Variants in ETS1 observed in about 807,000 individuals in gnomAD.
ETS1 encodes the protein ETS proto-oncogene 1, transcription factor, also known as protein C-ets-1.
In ETS1, 15 loss-of-function variants were observed where a neutral mutation model predicts 58.6. The ratio of observed to expected loss-of-function variants is 0.26; its 90% CI spans 0.17 to 0.39. The LOEUF (loss-of-function observed/expected upper bound fraction) is 0.39. ETS1 is among the 10% of genes least tolerant of loss of function. The pLI is 1.00. For missense variants in ETS1, 417 were observed against 610.5 expected (o/e 0.68, Z 3.34); for synonymous variants, 214 against 218.2 (o/e 0.98, Z 0.17).
chr11:128,504,813 C>T (rs1863187094), intron 3 of ETS1, among the ~76,000 whole-genome samples: 1 of 152,194 alleles, frequency 6.6e-6, no homozygotes, highest in Non-Finnish European at 1.5e-5. Context: ...AAACACTACT[C>T]CTCCCCAAGT....
chr11:128,498,535 A>G (rs956741179), intron 3 of ETS1, among the ~76,000 whole-genome samples: 1 of 152,218 alleles, frequency 6.6e-6, no homozygotes, highest in Non-Finnish European at 1.5e-5. Context: ...GAACTACATG[A>G]ATCCAATGCA....
chr11:128,569,318 C>CTTTTTGTTTTTTTTTTTTTTTTTTTTTTT (rs1864575212), intron 2 of ETS1, among the ~76,000 whole-genome samples: 2 of 39,462 alleles, frequency 5.1e-5, no homozygotes, highest in Admixed American at 3.5e-4. Context: ...AGAGTTTCTT[C>CTTTTTGTTTTTTTTTTTTTTTTTTTTTTT]TTTTTTTTTT....
At chr11:128,552,159 G>A (rs1864240586) in intron 3 of ETS1, among the ~76,000 whole-genome samples, 1 of 152,070 alleles carries the variant, frequency 6.6e-6, no homozygotes, top group Admixed American at 6.5e-5. Context: ...TCCGGAAACT[G>A]GGTTACAAGA....
chr11:128,566,570 T>A (rs1006430518), intron 2 of ETS1, among the ~76,000 whole-genome samples: 3 of 152,018 alleles, frequency 2.0e-5, no homozygotes, highest in Non-Finnish European at 4.4e-5. Flanking sequence ...GATCACGAGG[T>A]CAGGAGATCG....
At chr11:128,555,432 A>G (rs1864297352) in intron 3 of ETS1, among the ~76,000 whole-genome samples, 1 of 152,190 alleles carries the variant, frequency 6.6e-6, no homozygotes, top group African/African-American at 2.4e-5. Context: ...ACATTTTCCC[A>G]ACATGTAAGA....
intron 3 of ETS1, chr11:128,526,126 G>A (rs1863796531): frequency 2.1e-5 from 3 of 143,518 alleles, no homozygotes; most frequent in African/African-American, 7.6e-5. Flanking sequence ...AAACAATGAG[G>A]GTAGGAGGAG....
chr11:128,528,937 G>A (rs978808258), intron 3 of ETS1: 1 of 151,868 alleles, frequency 6.6e-6, no homozygotes, highest in African/African-American at 2.4e-5. Flanking sequence ...ATGACATTTG[G>A]CTCACCACGA....
rs553367501 is a variant in ETS1, at chr11:128,571,662, G to A, written c.69+1400C>T. ...CAGAATCTCTGGCAAGACAGTCAAA[G>A]ACAAGTCAGAAATGCGTTCTTGTTT... On this transcript the variant is annotated intron_variant, in intron 2 of 9. Coordinates refer to ENST00000392668, the MANE Select transcript of ETS1 (RefSeq NM_001143820.2). 3.3e-5 allele frequency: 5 copies of A among 151,644 alleles called. 1 individual carries two copies. Among genetic ancestry groups the A allele is most frequent in the African/African-American group, 9.7e-5 (4 of 41,318 alleles). 9.4% of individuals were successfully genotyped at this position (151,644 alleles called of 1,614,324 possible).
At chr11:128,462,840 G>A (rs1009804481) in intron 9 of ETS1, among the ~76,000 whole-genome samples, 10 of 152,266 alleles carry the variant, frequency 6.6e-5, no homozygotes, top group African/African-American at 2.4e-4. Flanking sequence ...GATTAAATAT[G>A]TGACTTTAAA....
At chr11:128,484,298 C>A (rs966243552) in intron 7 of ETS1, among the ~76,000 whole-genome samples, 3 of 152,060 alleles carry the variant, frequency 2.0e-5, no homozygotes. Context: ...GTTGGTTAAC[C>A]ATCTTGTATC....
At chr11:128,531,254 C>A (rs2135531648) in intron 3 of ETS1, among the ~76,000 whole-genome samples, 1 of 152,330 alleles carries the variant, frequency 6.6e-6, no homozygotes, top group South Asian at 2.1e-4. Flanking sequence ...TCAGTTTCTT[C>A]ATCTACAGAA....
chr11:128,546,423 C>T (rs1223699265), intron 3 of ETS1, among the ~76,000 whole-genome samples: 2 of 152,128 alleles, frequency 1.3e-5, no homozygotes, highest in Non-Finnish European at 2.9e-5. Context: ...CAGGAAAACC[C>T]CTTGCCTAAG....
intron 8 of ETS1, among the ~76,000 whole-genome samples, chr11:128,468,741 T>C (rs1270355729): frequency 6.6e-6 from 1 of 152,178 alleles, no homozygotes; most frequent in Non-Finnish European, 1.5e-5. Context: ...TTGGTCTCTG[T>C]CCATTTCTCC....
At chr11:128,546,160 G>T (rs1226393751) in intron 3 of ETS1, among the ~76,000 whole-genome samples, 5 of 152,248 alleles carry the variant, frequency 3.3e-5, no homozygotes, top group Non-Finnish European at 7.3e-5. Context: ...GTTCAAAGTA[G>T]TTGACTTGGG....
chr11:128,531,441 A>G (rs181352795), intron 3 of ETS1, among the ~76,000 whole-genome samples: 6 of 152,240 alleles, frequency 3.9e-5, no homozygotes, highest in Admixed American at 1.3e-4. Context: ...TAAAATTTTC[A>G]TGAATGTTAA....
In ETS1 at chr11:128,484,860, G is replaced by A. The variant is rs928366422; in HGVS notation, c.825C>T (p.Val275=). Residue 275 remains valine, a synonymous_variant, in exon 7 of 10, where the codon GTC becomes GTT. Transcript: ENST00000392668. ...NDYFAIKQEV[V]TPDNMCMGRT... Reference sequence around the variant, plus strand: ...TCCCCATGCACATGTTGTCTGGGGTGACGACTTCTTGTTTGATAGCAAAGT... The same window carrying A: ...TCCCCATGCACATGTTGTCTGGGGTAACGACTTCTTGTTTGATAGCAAAGT... The A allele has an allele frequency of 6.2e-7, 1 of 1,614,076 alleles. No homozygotes were observed. The highest frequency in any genetic ancestry group is 8.5e-7 in the Non-Finnish European group (1 of 1,179,978).
chr11:128,547,542 A>C (rs560320419), intron 3 of ETS1, among the ~76,000 whole-genome samples: 1 of 152,302 alleles, frequency 6.6e-6, no homozygotes, highest in South Asian at 2.1e-4. Context: ...TACTTAAATC[A>C]CTGGTATTTC....
intron 3 of ETS1, among the ~76,000 whole-genome samples, chr11:128,539,189 A>C (rs10750400): frequency 3.9e-5 from 6 of 152,062 alleles, no homozygotes; most frequent in Non-Finnish European, 5.9e-5. Context: ...ACAAAGAAAA[A>C]ATAGATAAAT....
chr11:128,480,169 T>C (rs752364345), intron 8 of ETS1, 22 bp downstream of exon 8: 39 of 1,611,530 alleles, frequency 2.4e-5, no homozygotes, highest in Non-Finnish European at 3.2e-5. Flanking sequence ...GGAGTTGGCC[T>C]AAGCAGCGGG....
Sources: allele counts gnomAD v4.1 joint callset (sites outside exome capture counted in the v4.1 genomes callset), GRCh38; gene constraint gnomAD v4.1.1; transcripts MANE v1.5; gene names NCBI Gene and HGNC (gene_info 2026-07-23, HGNC 2026-07-21).